The following DOCK10 variants were observed in gnomAD, a reference collection of about 807,000 sequenced individuals.
DOCK10 encodes the protein dedicator of cytokinesis 10.
DOCK10 carries 145 observed loss-of-function variants against 280.1 expected under a neutral mutation model. The ratio of observed to expected loss-of-function variants is 0.52; its 90% CI spans 0.45 to 0.59. DOCK10 has a LOEUF of 0.59. Ranked by LOEUF, DOCK10 falls within the 20% of genes least tolerant of loss-of-function variation. DOCK10 has a pLI of 0.00. For missense variants in DOCK10, 2,368 were observed against 2,651.7 expected (o/e 0.89, Z 2.35); for synonymous variants, 915 against 942.2 (o/e 0.97, Z 0.53).
chr2:224,966,556 CAA>C (rs1482160639), intron 1 of DOCK10, among the ~76,000 whole-genome samples: 3 of 152,122 alleles, frequency 2.0e-5, no homozygotes, highest in Non-Finnish European at 4.4e-5. Context: ...CTAGAAATCT[CAA>C]GTCTTTATTT....
At chr2:224,826,307 G>T (rs1694846892) in intron 27 of DOCK10, among the ~76,000 whole-genome samples, 1 of 151,930 alleles carries the variant, frequency 6.6e-6, no homozygotes. Flanking sequence ...CAGGTGATCT[G>T]CCCACCTCAG....
At chr2:224,769,209 A>T (rs1010883756) in intron 55 of DOCK10, among the ~76,000 whole-genome samples, 1 of 152,214 alleles carries the variant, frequency 6.6e-6, no homozygotes, top group African/African-American at 2.4e-5. Context: ...ATTTTCTCCA[A>T]TATAACTCGG....
intron 55 of DOCK10, among the ~76,000 whole-genome samples, chr2:224,768,713 G>T (rs949918773): frequency 6.6e-6 from 1 of 152,072 alleles, no homozygotes; most frequent in Admixed American, 6.5e-5. Flanking sequence ...TCCCCCCATT[G>T]ACCTACCTTG....
intron 4 of DOCK10, among the ~76,000 whole-genome samples, chr2:224,887,056 G>A (rs144616398): frequency 6.6e-5 from 10 of 152,222 alleles, no homozygotes; most frequent in African/African-American, 1.9e-4. Context: ...AGCCACTGGC[G>A]TTTGGCCTTC....
intron 23 of DOCK10, 114 bp downstream of exon 23, chr2:224,841,690 A>C (rs747948640): frequency 1.6e-6 from 1 of 629,816 alleles, no homozygotes; most frequent in Non-Finnish European, 2.9e-6. Flanking sequence ...ATAAGGTATT[A>C]AAAAATCTTG....
At chr2:224,821,012 G>A (rs1694472863) in intron 28 of DOCK10, among the ~76,000 whole-genome samples, 1 of 152,224 alleles carries the variant, frequency 6.6e-6, no homozygotes, top group South Asian at 2.1e-4. Context: ...GATAAGTAGA[G>A]CTGTGACCCA....
chr2:224,881,008 A>G (rs1164850210), intron 7 of DOCK10, among the ~76,000 whole-genome samples: 1 of 152,230 alleles, frequency 6.6e-6, no homozygotes, highest in Non-Finnish European at 1.5e-5. Context: ...TCAGTCACAC[A>G]GAACTGAAAA....
At chr2:224,998,754 G>A (rs1706345160) in intron 1 of DOCK10, among the ~76,000 whole-genome samples, 1 of 152,092 alleles carries the variant, frequency 6.6e-6, no homozygotes, top group Non-Finnish European at 1.5e-5. Context: ...AACCCAGGGG[G>A]ATTGACAACA....
In DOCK10 at chr2:224,837,769, T is replaced by C. The variant is rs549177109; in HGVS notation, c.2843A>G (p.Tyr948Cys). The C allele has an allele frequency of 6.2e-7, 1 of 1,613,738 alleles. No homozygotes were observed. The highest frequency in any genetic ancestry group is 1.3e-5 in the African/African-American group (1 of 75,038). Residue 948 changes from tyrosine to cysteine, a missense_variant, in exon 25 of 56, where the codon TAT (tyrosine) becomes TGT (cysteine). By Grantham distance (194) the Tyr-to-Cys change is radical (BLOSUM62 -2). Coordinates refer to ENST00000258390, the MANE Select transcript of DOCK10 (RefSeq NM_014689.3). ...CCAAGAGGCATTTCATACCTTAATA[T>C]ATGACTGGACAGAATGATCCAGCTG... ...EEQLDHSVQSYIKFVFKTRAC... is the reference protein window; with the variant it reads ...EEQLDHSVQSCIKFVFKTRAC...
rs543753340 is a variant in DOCK10 at position 224,784,964 on chromosome 2, G to A, written c.5655+2058C>T. Among the ~76,000 whole-genome samples the A allele has an allele frequency of 3.4e-4, 51 of 152,230 alleles. 1 individual carries two copies. The South Asian group carries it at 9.8e-3, about 29-fold the overall frequency. On this transcript the variant is annotated intron_variant, in intron 50 of 55. Coordinates refer to ENST00000258390, the MANE Select transcript of DOCK10 (RefSeq NM_014689.3). ...TGAGGCTTTATAGAGTCATGTCTTGGTGACCCAGAAGCACATCTTTTGTGC... is the reference window on the plus strand; with the variant it reads ...TGAGGCTTTATAGAGTCATGTCTTGATGACCCAGAAGCACATCTTTTGTGC...
chr2:224,956,724 C>CA (rs1352005881), intron 1 of DOCK10, among the ~76,000 whole-genome samples: 1 of 151,462 alleles, frequency 6.6e-6, no homozygotes, highest in Non-Finnish European at 1.5e-5. Context: ...GAAGCTGGTT[C>CA]ACCTAATAGT....
chr2:224,825,823 A>T (rs1247289594), intron 27 of DOCK10, among the ~76,000 whole-genome samples: 1 of 152,168 alleles, frequency 6.6e-6, no homozygotes, highest in East Asian at 1.9e-4. Context: ...AGATGAAGGG[A>T]GTGAGATGGT....
chr2:224,866,311 T>G (rs1697908634), intron 11 of DOCK10, among the ~76,000 whole-genome samples: 1 of 152,226 alleles, frequency 6.6e-6, no homozygotes, highest in African/African-American at 2.4e-5. Context: ...CTGTTGTATG[T>G]GTCCTCGTGA....
chr2:224,912,682 G>A (rs752556202), intron 3 of DOCK10, among the ~76,000 whole-genome samples: 3 of 151,896 alleles, frequency 2.0e-5, no homozygotes, highest in East Asian at 1.9e-4. Context: ...TATATCTTTC[G>A]TGATATCATA....
chr2:224,856,680 C>T (rs1473067860), intron 15 of DOCK10, among the ~76,000 whole-genome samples, 180 bp downstream of exon 15: 1 of 152,122 alleles, frequency 6.6e-6, no homozygotes, highest in Admixed American at 6.5e-5. Flanking sequence ...ACAGTCCTTC[C>T]ATATAATTCT....
rs140846656 is a variant in DOCK10, at chr2:224,879,483, C to T, written c.748-3262G>A. ...ATAGAAATAGACACTCAGGGCTGGG[C>T]GTAGTGTCTCACTCCTGTAATCCCA... On this transcript the variant is annotated intron_variant, in intron 7 of 55. Transcript: ENST00000258390. Among the ~76,000 whole-genome samples, 273 of 152,276 alleles carry T rather than the reference C, an allele frequency of 1.8e-3. 2 individuals are homozygous for T. The highest frequency in any genetic ancestry group is 5.1e-3 in the African/African-American group (211 of 41,568).
rs1043478550 is a variant in DOCK10, at chr2:225,038,339, A to G, written c.123+3913T>C. Among the ~76,000 whole-genome samples, 3 of 151,938 alleles carry G rather than the reference A, an allele frequency of 2.0e-5. No homozygotes were observed. In the East Asian group the frequency reaches 5.8e-4, roughly 29 times the overall value. ...TGCCACCAAGTTCAGAGGGGAGAAAATTCTTCCTTCTAGGAATTCCTCACG... is the reference window on the plus strand; with the variant it reads ...TGCCACCAAGTTCAGAGGGGAGAAAGTTCTTCCTTCTAGGAATTCCTCACG... On this transcript the variant is annotated intron_variant, in intron 1 of 55. Coordinates refer to ENST00000258390, the MANE Select transcript of DOCK10 (RefSeq NM_014689.3).
chr2:224,837,713 G>A (rs761974836), intron 25 of DOCK10, 49 bp downstream of exon 25: 5 of 1,503,400 alleles, frequency 3.3e-6, no homozygotes, highest in Non-Finnish European at 3.7e-6. Flanking sequence ...AATGAGACAA[G>A]TCACACAGCA....
At chr2:224,941,868 G>A (rs1454467118) in intron 1 of DOCK10, among the ~76,000 whole-genome samples, 1 of 151,208 alleles carries the variant, frequency 6.6e-6, no homozygotes, top group African/African-American at 2.4e-5. Context: ...AAAGTTTATA[G>A]GAGGGAAAGA....
Sources: gnomAD v4.1 joint callset for allele counts (sites outside exome capture counted in the v4.1 genomes callset) on GRCh38, gnomAD v4.1.1 for gene constraint, MANE v1.5 for transcripts, NCBI Gene and HGNC (gene_info 2026-07-23, HGNC 2026-07-21) for gene names.